KRT23: variants seen among roughly 807,000 people sequenced by gnomAD.
KRT23 encodes keratin, type I cytoskeletal 23.
In KRT23, 38 loss-of-function variants were observed where a neutral mutation model predicts 47.6. That is an observed-to-expected ratio of 0.80 (90% CI 0.62 to 1.05). The LOEUF (loss-of-function observed/expected upper bound fraction) is 1.05, where lower values mean the gene tolerates loss of function less well. Among genes scored for constraint, KRT23 ranks in the 50% least tolerant of loss-of-function variants. The probability of loss-of-function intolerance (pLI) is 0.00; values close to 1 mark genes in which losing one functional copy is unlikely to be tolerated. For synonymous variants in KRT23, 191 were observed against 199.0 expected, an observed-to-expected ratio of 0.96 and a Z score of 0.34; for missense variants, 503 against 529.5, an observed-to-expected ratio of 0.95 and a Z score of 0.49.
rs772368127 is a variant in KRT23, at chr17:40,923,064, G to A, written c.1194C>T (p.Ile398=). 3 of 1,613,556 alleles carry A rather than the reference G, an allele frequency of 1.9e-6. No individual in the cohort carries two copies. In the Admixed American group the frequency reaches 5.0e-5, roughly 27 times the overall value. Residue 398 remains isoleucine, a synonymous_variant, in exon 9 of 9, where the codon ATC becomes ATT. Transcript: ENST00000209718. ...TGATGGTCTCCTGGGTTATGGCCTT[G>A]ATCTTTGGAGTTGCAGACACTGAGA... The part of the protein sequence containing the change: ...SSMKVSATPK[I]KAITQETING...
In KRT23 at chr17:40,922,852, G is replaced by A. The variant is rs749233409; in HGVS notation, c.*137C>T. ...GCATTATGAGAAGTCTGGTGAGACTGTTACAGAAAAAAAAAATAAAAGTTT... is the reference window on the plus strand; with the variant it reads ...GCATTATGAGAAGTCTGGTGAGACTATTACAGAAAAAAAAAATAAAAGTTT... On this transcript the variant is annotated 3_prime_UTR_variant, in exon 9 of 9. Coordinates refer to ENST00000209718, the MANE Select transcript of KRT23 (RefSeq NM_015515.5). The A allele has an allele frequency of 1.6e-6, 1 of 634,982 alleles. No homozygotes were observed. The highest frequency in any genetic ancestry group is 2.8e-6 in the Non-Finnish European group (1 of 360,364). 39.3% of individuals were successfully genotyped at this position (634,982 alleles called of 1,614,324 possible).
Position 40,924,500 on chromosome 17 carries a change from T to C in KRT23, c.1146A>G (p.Thr382=). The part of the protein sequence containing the change: ...RRLLEGESEG[T]REESKSSMKV... Reference sequence around the variant, plus strand: ...TCATGCTCGACTTTGATTCTTCCCGTGTCCTATAAAAGTGATAAAGGTTAA... The same window carrying C: ...TCATGCTCGACTTTGATTCTTCCCGCGTCCTATAAAAGTGATAAAGGTTAA... Residue 382 remains threonine, a synonymous_variant, in exon 8 of 9, where the codon ACA becomes ACG. Coordinates refer to ENST00000209718, the MANE Select transcript of KRT23 (RefSeq NM_015515.5). 6.2e-7 allele frequency: 1 copy of C among 1,613,224 alleles called. No homozygotes were observed. Among genetic ancestry groups the C allele is most frequent in the East Asian group, 2.2e-5 (1 of 44,874 alleles).
chr17:40,923,658 A>T (rs1344618277), intron 8 of KRT23, among the ~76,000 whole-genome samples: 1 of 152,252 alleles, frequency 6.6e-6, no homozygotes, highest in Non-Finnish European at 1.5e-5. Context: ...CTCCATTGGG[A>T]CCATCCCATC....
chr17:40,933,500 A>T (rs1178317652), intron 2 of KRT23, among the ~76,000 whole-genome samples: 1 of 152,208 alleles, frequency 6.6e-6, no homozygotes, highest in East Asian at 1.9e-4. Flanking sequence ...TTTCTATTTG[A>T]CACACACTAT....
rs996242450 is a variant in KRT23, at chr17:40,937,341, C to T, written c.-351+5G>A. On this transcript the variant is annotated splice_donor_5th_base_variant and intron_variant, in intron 1 of 8. Transcript: ENST00000209718. Reference sequence around the variant, plus strand: ...TAGATGTAATTAATTAATGAATGACCGAACCTTCCACTTCCAGGGTGCCTT... The same window carrying T: ...TAGATGTAATTAATTAATGAATGACTGAACCTTCCACTTCCAGGGTGCCTT... 2 of 152,208 alleles carry T rather than the reference C, an allele frequency of 1.3e-5. No homozygotes were observed. Among genetic ancestry groups the T allele is most frequent in the African/African-American group, 2.4e-5 (1 of 41,438 alleles). The allele number at this position is 152,208 out of a possible 1,614,324, so 9.4% of individuals were successfully genotyped here.
chr17:40,932,753 A>G (rs910899642), intron 2 of KRT23, among the ~76,000 whole-genome samples: 1 of 152,190 alleles, frequency 6.6e-6, no homozygotes, highest in African/African-American at 2.4e-5. Flanking sequence ...GTACAAAGGC[A>G]CCTTTTAAAA....
intron 6 of KRT23, among the ~76,000 whole-genome samples, 168 bp from the exon 7 acceptor site, chr17:40,925,742 G>A (rs1457768631): frequency 6.6e-6 from 1 of 152,206 alleles, no homozygotes; most frequent in Non-Finnish European, 1.5e-5. Flanking sequence ...GACTTGGGCA[G>A]TCAGGAGTTG....
intron 3 of KRT23, 118 bp from the exon 4 acceptor site, chr17:40,930,214 A>G: frequency 2.3e-6 from 2 of 859,892 alleles, no homozygotes; most frequent in Non-Finnish European, 3.6e-6. Context: ...GAGCAAATGA[A>G]TACATATAGG....
intron 2 of KRT23, among the ~76,000 whole-genome samples, chr17:40,935,744 A>G (rs1045123269): frequency 5.9e-5 from 9 of 152,214 alleles, no homozygotes; most frequent in Non-Finnish European, 1.5e-5. Context: ...CACATTGTTC[A>G]AAAAAGTTTG....
chr17:40,926,387 T>C (rs1297345031), intron 6 of KRT23, among the ~76,000 whole-genome samples: 4 of 152,214 alleles, frequency 2.6e-5, no homozygotes, highest in African/African-American at 9.6e-5. Flanking sequence ...GCCAGTCTCC[T>C]ACTCTCCCAG....
chr17:40,929,658 G>C lies in KRT23; in HGVS notation c.636+282C>G, dbSNP rs146653865. On this transcript the variant is annotated intron_variant, in intron 4 of 8. Transcript: ENST00000209718. ...CCAGTCTCACGCATTGATTCTTATA[G>C]TAACATTAACAAGCACATCTAGGTA... The C allele has an allele frequency of 2.7e-3, 959 of 349,902 alleles. 4 individuals carry two copies. The highest frequency in any genetic ancestry group is 0.019 in the African/African-American group (893 of 47,858). The allele number at this position is 349,902 out of a possible 1,614,324, so 21.7% of individuals were successfully genotyped here.
At chr17:40,932,911 ATTGGCTGAGTGAGC>A (rs1304255470) in intron 2 of KRT23, among the ~76,000 whole-genome samples, 1 of 152,178 alleles carries the variant, frequency 6.6e-6, no homozygotes, top group Non-Finnish European at 1.5e-5. Flanking sequence ...GCTGGGTGAG[ATTGGCTGAGTGAGC>A]TTGGCTGAGT....
In KRT23 at chr17:40,935,111, G is replaced by GTTTT. The variant is rs61234380; in HGVS notation, c.396+1093_396+1096dup. 3.9e-4 allele frequency among the ~76,000 whole-genome samples: 53 copies of GTTTT among 137,198 alleles called. No homozygotes were observed. In the East Asian group the frequency reaches 4.9e-3, roughly 13 times the overall value. 90.0% of individuals were successfully genotyped at this position (137,198 alleles called of 152,430 possible). A position where few individuals can be genotyped will look rare whatever the true frequency, so the allele number is the denominator to read the frequency against. On this transcript the variant is annotated intron_variant, in intron 2 of 8. Transcript: ENST00000209718. ...ATGATGAGGACTGTTGAGTCACCTT[G>GTTTT]TTTTTTTTTTTTTTTCATAAAGACA...
At position 40,928,314 on chromosome 17, in the gene KRT23, C is replaced by T; in HGVS notation, c.845G>A (p.Ser282Asn). The T allele has an allele frequency of 6.2e-7, 1 of 1,614,222 alleles. No homozygotes were observed. The highest frequency in any genetic ancestry group is 8.5e-7 in the Non-Finnish European group (1 of 1,180,050). Residue 282 changes from serine (S) to asparagine (N), a missense_variant, in exon 6 of 9, where the codon AGC (serine) becomes AAC (asparagine). Ser to Asn is a conservative substitution (Grantham distance 46). Transcript: ENST00000209718. Reference sequence around the variant, plus strand: ...CAGTTCGTGGATGTCACCTTGTCTGCTCTGCACAGTGGCTGGACTGGCTGC... The same window carrying T: ...CAGTTCGTGGATGTCACCTTGTCTGTTCTGCACAGTGGCTGGACTGGCTGC... Reference protein sequence around the residue: ...QEAASPATVQSRQGDIHELKR... With the variant: ...QEAASPATVQNRQGDIHELKR...
chr17:40,927,400 A>C (rs937492226), intron 6 of KRT23, among the ~76,000 whole-genome samples: 5 of 152,190 alleles, frequency 3.3e-5, no homozygotes, highest in Admixed American at 3.3e-4. Context: ...TTTTGTACTC[A>C]TGATCTCTAC....
At chr17:40,924,047 A>C (rs553375549) in intron 8 of KRT23, among the ~76,000 whole-genome samples, 119 of 152,362 alleles carry the variant, frequency 7.8e-4, no homozygotes, top group African/African-American at 2.8e-3. Context: ...GGACTGTCCA[A>C]GAAGAGGATC....
intron 2 of KRT23, among the ~76,000 whole-genome samples, chr17:40,935,235 G>A (rs779102018): frequency 6.6e-6 from 1 of 151,096 alleles, no homozygotes; most frequent in Non-Finnish European, 1.5e-5. Context: ...TATCTTGACT[G>A]GTCCTTCCTA....
intron 2 of KRT23, among the ~76,000 whole-genome samples, chr17:40,931,814 C>A (rs992709965): frequency 6.6e-6 from 1 of 152,162 alleles, no homozygotes; most frequent in African/African-American, 2.4e-5. Context: ...ATGGACATGT[C>A]ATAGCATTTT....
intron 3 of KRT23, among the ~76,000 whole-genome samples, chr17:40,930,919 T>A (rs77977782): frequency 6.6e-6 from 1 of 152,100 alleles, no homozygotes; most frequent in African/African-American, 2.4e-5. Flanking sequence ...TTGTTTAAAC[T>A]AAGGTTCATT....
Sources: allele counts gnomAD v4.1 joint callset (sites outside exome capture counted in the v4.1 genomes callset), GRCh38; gene constraint gnomAD v4.1.1; transcripts MANE v1.5; gene names NCBI Gene and HGNC (gene_info 2026-07-23, HGNC 2026-07-21).